ATG9B: variants seen among roughly 807,000 people sequenced by gnomAD.
ATG9B encodes autophagy related 9B.
Under a neutral mutation model 92.9 loss-of-function variants are expected in ATG9B, and 92 were observed. That is an observed-to-expected ratio of 0.99 (90% confidence interval 0.84 to 1.18). The LOEUF (loss-of-function observed/expected upper bound fraction) is 1.18. ATG9B is among the 50% of genes most tolerant of loss of function. The probability of loss-of-function intolerance (pLI) is 0.00; values close to 1 mark genes in which losing one functional copy is unlikely to be tolerated. For missense variants in ATG9B, 1,344 were observed against 1,235.0 expected, an observed-to-expected ratio of 1.09 and a Z score of -1.32; for synonymous variants, 599 against 551.4, an observed-to-expected ratio of 1.09 and a Z score of -1.21.
At chr7:151,014,006 A>G, downstream of ATG9B, 2 of 1,612,058 alleles carry the variant, frequency 1.2e-6, no homozygotes, top group Non-Finnish European at 1.7e-6. Context: ...CTTTTCCGAC[A>G]GGATCAGCAA....
Position 151,024,152 on chromosome 7 carries a change from A to G in ATG9B, c.272T>C (p.Leu91Pro), listed in dbSNP as rs1421823963. 1.3e-6 allele frequency: 2 copies of G among 1,573,608 alleles called. No individual in the cohort carries two copies. Among genetic ancestry groups the G allele is most frequent in the Non-Finnish European group, 1.7e-6 (2 of 1,158,666 alleles). The stretch of plus-strand genomic sequence containing the variant: ...TGTTGGGGGGGTGGCTGGGATAGGG[A>G]GAGCACTGTGGCAAGACTGAGAAGC... ...TGASQSCHSALPIPATPPTQA... is the reference protein window; with the variant it reads ...TGASQSCHSAPPIPATPPTQA... The change falls in exon 1 of 14, where the codon CTC becomes CCC. Residue 91 changes from leucine (L) to proline (P), a missense_variant. Transcript: ENST00000639579.
At position 151,023,910 on chromosome 7, in the gene ATG9B, GCTC is replaced by G. The variant is rs150295610; in HGVS notation, c.511_513del (p.Glu171del). ...TCAGGGACATGAAGCAGGGGTTGCT[GCTC>G]CTCCCCGTGGATGGGTGAGTCTTGG... On this transcript the variant is annotated inframe_deletion, in exon 1 of 14. Coordinates refer to ENST00000639579, the MANE Select transcript of ATG9B (RefSeq NM_001317056.2). The G allele has an allele frequency of 2.8e-3, 4,559 of 1,604,930 alleles. 112 individuals carry two copies. The African/African-American group carries it at 0.052, about 18-fold the overall frequency.
chr7:151,023,179 T>A lies in ATG9B; in HGVS notation c.687A>T (p.Thr229=). 6.2e-7 allele frequency: 1 copy of A among 1,614,086 alleles called. No homozygotes were observed. Among genetic ancestry groups the A allele is most frequent in the Non-Finnish European group, 8.5e-7 (1 of 1,180,016 alleles). The change falls in exon 4 of 14, where the codon ACA becomes ACT. Residue 229 remains threonine (T), a synonymous_variant. Transcript: ENST00000639579. ...LGQFIFIVTF[T]TFLLRCVDYN... ...AATCCACGCATCGAAGGAGGAAGGTTGTGAAGGTGACAATGAAAATAAATT... is the reference window on the plus strand; with the variant it reads ...AATCCACGCATCGAAGGAGGAAGGTAGTGAAGGTGACAATGAAAATAAATT...
Position 151,018,841 on chromosome 7 carries a change from C to T in ATG9B, c.1497G>A (p.Leu499=). 7.7e-7 allele frequency: 1 copy of T among 1,293,170 alleles called. No individual in the cohort carries two copies. The highest frequency in any genetic ancestry group is 9.8e-7 in the Non-Finnish European group (1 of 1,024,154). The allele number at this position is 1,293,170 out of a possible 1,614,324, so 80.1% of individuals were successfully genotyped here. A position where few individuals can be genotyped will look rare whatever the true frequency, so the allele number is the denominator to read the frequency against. The change falls in exon 6 of 14, where the codon CTG becomes CTA. Residue 499 remains leucine, a synonymous_variant. Coordinates refer to ENST00000639579, the MANE Select transcript of ATG9B (RefSeq NM_001317056.2). The surrounding 1 kb of genome is among the most constrained non-coding windows in gnomAD (Gnocchi z 4.7). ...LRHFNELPHE[L]RARLARAYRP... ...GGTAGGCGCGGGCCAGGCGCGCGCG[C>T]AGCTCGTGCGGCAGCTCGTTGAAGT... is the stretch of plus-strand genomic sequence containing the variant.
chr7:151,018,205 C>T lies in ATG9B; in HGVS notation c.1872+89G>A. On this transcript the variant is annotated intron_variant, in intron 7 of 13. Transcript: ENST00000639579. This position sits in a 1 kb window ranked among gnomAD's most constrained non-coding sequence, Gnocchi z 4.7. ...GTATAGTCCGTTTGTCTCATGCCCT[C>T]TCCCAGACAGACCCTCCGCGCAGAC... 1 of 1,490,846 alleles carries T rather than the reference C, an allele frequency of 6.7e-7. No homozygotes were observed. The highest frequency in any genetic ancestry group is 1.4e-5 in the African/African-American group (1 of 71,188). The allele number at this position is 1,490,846 out of a possible 1,614,324, so 92.4% of individuals were successfully genotyped here.
intron 3 of ATG9B, 108 bp from the exon 4 acceptor site, chr7:151,023,314 C>A (rs540669051): frequency 1.1e-5 from 17 of 1,597,918 alleles, no homozygotes; most frequent in Middle Eastern, 1.7e-4. Context: ...CCTGACCCTG[C>A]CCCTGCTGAG....
At chr7:151,022,117 T>C (rs1392051304) in intron 4 of ATG9B, among the ~76,000 whole-genome samples, 1 of 148,614 alleles carries the variant, frequency 6.7e-6, no homozygotes, top group Non-Finnish European at 1.5e-5. Context: ...GTTATTTGGT[T>C]GGTTGGCAAA....
rs779396081 is a variant in ATG9B, at chr7:151,024,053, G to C, written c.371C>G (p.Pro124Arg). Residue 124 changes from proline (P) to arginine (R), a missense_variant, in exon 1 of 14, where the codon CCG becomes CGG. Pro to Arg is a moderately radical substitution (Grantham distance 103, BLOSUM62 -2). Transcript: ENST00000639579. ...CTGCTGTGAGGGAGTGGGGGTTGCC[G>C]GGGCCAGGGGTGGGGTGGAGTGGGA... ...WGSHSTPPLAPATPTPSQQCP... is the reference protein window; with the variant it reads ...WGSHSTPPLARATPTPSQQCP... The C allele has an allele frequency of 1.1e-5, 17 of 1,589,546 alleles. No individual in the cohort carries two copies. In the Admixed American group the frequency reaches 2.5e-4, roughly 23 times the overall value.
chr7:151,019,515 T>TC, intron 5 of ATG9B, 141 bp from the exon 6 acceptor site: 1 of 1,137,856 alleles, frequency 8.8e-7, no homozygotes, highest in Non-Finnish European at 1.2e-6. Flanking sequence ...AGCTACATCG[T>TC]CCCCCTCTCC....
Position 151,018,916 on chromosome 7 carries a change from G to A in ATG9B, c.1422C>T (p.Gly474=). 3 of 1,508,630 alleles carry A rather than the reference G, an allele frequency of 2.0e-6. No individual in the cohort carries two copies. Among genetic ancestry groups the A allele is most frequent in the Admixed American group, 2.3e-5 (1 of 43,950 alleles). The allele number at this position is 1,508,630 out of a possible 1,614,324, so 93.5% of individuals were successfully genotyped here. A position where few individuals can be genotyped will look rare whatever the true frequency, so the allele number is the denominator to read the frequency against. Residue 474 remains glycine, a synonymous_variant, in exon 6 of 14, where the codon GGC becomes GGT. Coordinates refer to ENST00000639579, the MANE Select transcript of ATG9B (RefSeq NM_001317056.2). This position sits in a 1 kb window ranked among gnomAD's most constrained non-coding sequence, Gnocchi z 4.7. ...SHVELLRREP[G]ALGARGWSRL... is the part of the protein sequence containing the mutation. Reference sequence around the variant, plus strand: ...GGGACCAGCCGCGCGCCCCCAGCGCGCCAGGCTCGCGCCGCAGCAGCTCCA... The same window carrying A: ...GGGACCAGCCGCGCGCCCCCAGCGCACCAGGCTCGCGCCGCAGCAGCTCCA...
At chr7:151,016,331 C>A in intron 11 of ATG9B, 96 bp from the exon 12 acceptor site, 1 of 1,489,812 alleles carries the variant, frequency 6.7e-7, no homozygotes, top group South Asian at 1.3e-5. Context: ...CTCCTCCTGC[C>A]ACTCTGCTAG....
At chr7:151,022,570 C>T (rs903573008) in intron 4 of ATG9B, among the ~76,000 whole-genome samples, 5 of 151,692 alleles carry the variant, frequency 3.3e-5, no homozygotes, top group African/African-American at 4.8e-5. Flanking sequence ...CTTAAAAGGC[C>T]GGGCACAGTG....
At chr7:151,017,299 G>A in intron 8 of ATG9B, 27 bp from the exon 9 acceptor site, 2 of 1,552,972 alleles carry the variant, frequency 1.3e-6, no homozygotes, top group Non-Finnish European at 1.7e-6. Flanking sequence ...TCTTTCAGGT[G>A]CTAAGAACAC....
chr7:151,013,846 C>G, downstream of ATG9B: 4 of 1,605,748 alleles, frequency 2.5e-6, no homozygotes, highest in African/African-American at 2.7e-5. Context: ...TCCTGCAGAC[C>G]GTGCAGCGCA....
In ATG9B at chr7:151,018,661, G is replaced by A; in HGVS notation, c.1677C>T (p.Leu559=). The part of the protein sequence containing the change: ...DEDVLAVEHV[L]TAMTALGVTA... ...TGACCCCGAGCGCGGTCATGGCGGT[G>A]AGCACGTGCTCCACGGCTAGCACGT... is the stretch of plus-strand genomic sequence containing the variant. The change falls in exon 6 of 14, where the codon CTC becomes CTT. Residue 559 remains leucine (L), a synonymous_variant. Transcript: ENST00000639579. This position sits in a 1 kb window ranked among gnomAD's most constrained non-coding sequence, Gnocchi z 4.7. The A allele has an allele frequency of 2.5e-6, 4 of 1,607,476 alleles. No individual in the cohort carries two copies. The highest frequency in any genetic ancestry group is 3.4e-6 in the Non-Finnish European group (4 of 1,179,006).
At chr7:151,014,511 A>C (rs1345709747), downstream of ATG9B, 2 of 287,064 alleles carry the variant, frequency 7.0e-6, no homozygotes, top group Non-Finnish European at 1.3e-5. Context: ...CTCTAAATCA[A>C]GTATTTATTA....
chr7:151,012,295 G>A, downstream of ATG9B: 1 of 1,492,268 alleles, frequency 6.7e-7, no homozygotes, highest in Non-Finnish European at 9.1e-7. Context: ...CCTGCATGGT[G>A]AGAATGGTGG....
chr7:151,016,460 T>A lies in ATG9B; in HGVS notation c.2491A>T (p.Met831Leu). The A allele has an allele frequency of 1.3e-6, 2 of 1,551,450 alleles. No homozygotes were observed. Among genetic ancestry groups the A allele is most frequent in the Non-Finnish European group, 8.7e-7 (1 of 1,146,970 alleles). The change falls in exon 11 of 14, where the codon ATG (methionine) becomes TTG (leucine). Residue 831 changes from methionine (M) to leucine (L), a missense_variant. Transcript: ENST00000639579. ...AQLPELASAE[M>L]SLHVIYLHQL... Reference sequence around the variant, plus strand: ...TGCAGGTAGATGACATGGAGACTCATCTCGGCAGAAGCAAGTTCTGGGAGC... The same window carrying A: ...TGCAGGTAGATGACATGGAGACTCAACTCGGCAGAAGCAAGTTCTGGGAGC...
Position 151,023,178 on chromosome 7 carries a change from T to C in ATG9B, c.688A>G (p.Thr230Ala), listed in dbSNP as rs748726640. The stretch of plus-strand genomic sequence containing the variant: ...TAATCCACGCATCGAAGGAGGAAGG[T>C]TGTGAAGGTGACAATGAAAATAAAT... Reference protein sequence around the residue: ...GQFIFIVTFTTFLLRCVDYNV... With the variant: ...GQFIFIVTFTAFLLRCVDYNV... Residue 230 changes from threonine (T) to alanine (A), a missense_variant, in exon 4 of 14, where the codon ACC becomes GCC. Transcript: ENST00000639579. 16 of 1,613,876 alleles carry C rather than the reference T, an allele frequency of 9.9e-6. No individual in the cohort carries two copies. Among genetic ancestry groups the C allele is most frequent in the Non-Finnish European group, 8.5e-7 (1 of 1,180,004 alleles).
Sources: allele counts gnomAD v4.1 joint callset (sites outside exome capture counted in the v4.1 genomes callset), GRCh38; gene constraint gnomAD v4.1.1; non-coding constraint Gnocchi (gnomAD v3.1); transcripts MANE v1.5; gene names NCBI Gene and HGNC (gene_info 2026-07-23, HGNC 2026-07-21).